Variants in SDK1 observed in about 807,000 individuals in gnomAD.
SDK1 encodes the protein protein sidekick-1.
Under a neutral mutation model 245.5 loss-of-function variants are expected in SDK1, and 157 were observed. The observed-to-expected ratio is 0.64, with a 90% confidence interval of 0.56 to 0.73. The LOEUF (loss-of-function observed/expected upper bound fraction) is 0.73, where lower values mean the gene tolerates loss of function less well. SDK1 is among the 30% of genes least tolerant of loss of function. The pLI is 0.00. For missense variants in SDK1, 3,583 were observed against 3,002.3 expected, an observed-to-expected ratio of 1.19 and a Z score of -4.52; for synonymous variants, 1,647 against 1,278.5, an observed-to-expected ratio of 1.29 and a Z score of -6.15.
At chr7:3,423,017 G>C (rs1465033462) in intron 1 of SDK1, among the ~76,000 whole-genome samples, 5 of 152,178 alleles carry the variant, frequency 3.3e-5, no homozygotes, top group Admixed American at 2.6e-4. Flanking sequence ...AGATATGTTA[G>C]TTTTAAAGTG....
At chr7:3,891,704 T>C (rs1197866594) in intron 5 of SDK1, among the ~76,000 whole-genome samples, 6 of 152,148 alleles carry the variant, frequency 3.9e-5, no homozygotes, top group Admixed American at 2.0e-4. Context: ...AAAGATTTCA[T>C]TGGGGACCTT....
chr7:3,701,924 C>CAAAAAAAAAA (rs58687135), intron 4 of SDK1, among the ~76,000 whole-genome samples: 8 of 85,662 alleles, frequency 9.3e-5, no homozygotes, highest in South Asian at 4.7e-4. Flanking sequence ...CGTGCATAAG[C>CAAAAAAAAAA]AAAAAAAAAA....
At chr7:4,094,570 A>T (rs2128184873) in intron 22 of SDK1, among the ~76,000 whole-genome samples, 1 of 152,338 alleles carries the variant, frequency 6.6e-6, no homozygotes. Flanking sequence ...CTCAGGAAAG[A>T]AGCAAGATAC....
intron 35 of SDK1, among the ~76,000 whole-genome samples, chr7:4,193,937 C>T (rs972382370): frequency 3.9e-5 from 6 of 152,260 alleles, no homozygotes; most frequent in South Asian, 2.1e-4. Context: ...CTCTCACGAG[C>T]GGTGAATCAG....
intron 4 of SDK1, among the ~76,000 whole-genome samples, chr7:3,672,936 C>G (rs1783764938): frequency 6.6e-6 from 1 of 150,430 alleles, no homozygotes. Context: ...AATGGTTAAA[C>G]TTTTTCTAGA....
chr7:3,680,984 A>G (rs1029294701), intron 4 of SDK1, among the ~76,000 whole-genome samples: 15 of 152,148 alleles, frequency 9.9e-5, no homozygotes. Flanking sequence ...CTGGGACTAC[A>G]GGTGCACCCC....
chr7:3,770,815 C>G (rs951253456), intron 4 of SDK1, among the ~76,000 whole-genome samples: 1 of 152,060 alleles, frequency 6.6e-6, no homozygotes, highest in Non-Finnish European at 1.5e-5. Flanking sequence ...AAGGGATGAG[C>G]CTGCCTGGAC....
intron 1 of SDK1, among the ~76,000 whole-genome samples, chr7:3,367,006 C>T (rs915911753): frequency 1.3e-5 from 2 of 152,132 alleles, no homozygotes; most frequent in African/African-American, 4.8e-5. Flanking sequence ...TCCCAAAGTG[C>T]TGGGATTACA....
intron 17 of SDK1, among the ~76,000 whole-genome samples, chr7:4,032,104 G>C (rs1369653008): frequency 6.6e-6 from 1 of 151,550 alleles, no homozygotes; most frequent in African/African-American, 2.4e-5. Flanking sequence ...AACCCAAACA[G>C]GTCCAAAGAA....
At chr7:3,506,619 A>T (rs990393309) in intron 1 of SDK1, among the ~76,000 whole-genome samples, 1 of 151,960 alleles carries the variant, frequency 6.6e-6, no homozygotes, top group African/African-American at 2.4e-5. Flanking sequence ...CTTTTTACTG[A>T]GAGTGTTTAT....
intron 1 of SDK1, among the ~76,000 whole-genome samples, chr7:3,456,266 T>G (rs960404013): frequency 6.6e-6 from 1 of 152,230 alleles, no homozygotes; most frequent in Non-Finnish European, 1.5e-5. Flanking sequence ...TTGCTAAATT[T>G]GGGAAATATT....
chr7:4,261,110 C>G (rs537878930), intron 44 of SDK1, among the ~76,000 whole-genome samples: 12 of 152,306 alleles, frequency 7.9e-5, no homozygotes, highest in African/African-American at 2.9e-4. Flanking sequence ...CCAGGAACCT[C>G]TGGCTCCCTG....
chr7:3,765,189 A>C (rs1256166634), intron 4 of SDK1, among the ~76,000 whole-genome samples: 1 of 152,238 alleles, frequency 6.6e-6, no homozygotes, highest in Non-Finnish European at 1.5e-5. Context: ...CTTTAAAAAA[A>C]AATCTAGTGC....
intron 1 of SDK1, among the ~76,000 whole-genome samples, chr7:3,435,160 CTG>C (rs67441672): frequency 0.46 from 61,682 of 133,274 alleles, 13,289 homozygotes; most frequent in South Asian, 0.54. Context: ...GCAAAAGTCT[CTG>C]TATTTTTTTT....
At chr7:4,256,470 G>C (rs1342579152) in intron 44 of SDK1, among the ~76,000 whole-genome samples, 2 of 152,222 alleles carry the variant, frequency 1.3e-5, no homozygotes, top group African/African-American at 4.8e-5. Context: ...AGAAAGCATT[G>C]CAGGGAAAGC....
intron 4 of SDK1, among the ~76,000 whole-genome samples, chr7:3,680,183 T>C (rs1276120548): frequency 6.6e-6 from 1 of 152,120 alleles, no homozygotes; most frequent in Non-Finnish European, 1.5e-5. Flanking sequence ...AAAAACCCAA[T>C]CTCCAATCTC....
chr7:3,376,459 CTA>C (rs1781358548), intron 1 of SDK1, among the ~76,000 whole-genome samples: 1 of 151,976 alleles, frequency 6.6e-6, no homozygotes, highest in African/African-American at 2.4e-5. Context: ...TAAGAAGACT[CTA>C]TAAATGGGAT....
intron 1 of SDK1, among the ~76,000 whole-genome samples, chr7:3,342,803 T>G (rs1203005910): frequency 6.6e-6 from 1 of 152,120 alleles, no homozygotes; most frequent in Non-Finnish European, 1.5e-5. Context: ...GACTAATACC[T>G]AGAATATGTA....
At position 3,741,817 on chromosome 7, in the gene SDK1, C is replaced by G. The variant is rs192769207; in HGVS notation, c.714-79633C>G. ...TTTTCCACATAAACACACACATTCA[C>G]ACACACACACATAGATGCTTGTGTG... On this transcript the variant is annotated intron_variant, in intron 4 of 44. Transcript: ENST00000404826. Among the ~76,000 whole-genome samples, 142 of 151,674 alleles carry G rather than the reference C, an allele frequency of 9.4e-4. 1 individual carries two copies. Among genetic ancestry groups the G allele is most frequent in the African/African-American group, 3.4e-3 (139 of 41,384 alleles).
Sources: gnomAD v4.1 joint callset for allele counts (sites outside exome capture counted in the v4.1 genomes callset) on GRCh38, gnomAD v4.1.1 for gene constraint, MANE v1.5 for transcripts, NCBI Gene and HGNC (gene_info 2026-07-23, HGNC 2026-07-21) for gene names.